The following ELP3 variants were observed in gnomAD, a reference collection of about 807,000 sequenced individuals.
The protein encoded by ELP3 is elongator complex protein 3.
Under a neutral mutation model 74.9 loss-of-function variants are expected in ELP3, and 56 were observed. The ratio of observed to expected loss-of-function variants is 0.75; its 90% CI spans 0.60 to 0.93. The LOEUF (loss-of-function observed/expected upper bound fraction) is 0.93, where lower values mean the gene tolerates loss of function less well. Among genes scored for constraint, ELP3 ranks in the 40% least tolerant of loss-of-function variants. The probability of loss-of-function intolerance (pLI) is 0.00; values close to 1 mark genes in which losing one functional copy is unlikely to be tolerated. For synonymous variants in ELP3, 222 were observed against 239.8 expected, an observed-to-expected ratio of 0.93 and a Z score of 0.68; for missense variants, 573 against 686.5, an observed-to-expected ratio of 0.83 and a Z score of 1.85.
rs1815393512 is a variant in ELP3 at position 28,189,921 on chromosome 8, C to T, written c.*196C>T. 1.9e-6 allele frequency: 1 copy of T among 517,996 alleles called. No individual in the cohort carries two copies. Among genetic ancestry groups the T allele is most frequent in the Middle Eastern group, 5.1e-4 (1 of 1,960 alleles). The allele number at this position is 517,996 out of a possible 1,614,324, so 32.1% of individuals were successfully genotyped here. On this transcript the variant is annotated 3_prime_UTR_variant, in exon 15 of 15. Coordinates refer to ENST00000256398, the MANE Select transcript of ELP3 (RefSeq NM_018091.6). Reference sequence around the variant, plus strand: ...GACCACACCCCAGATCCGCCCTCTCCTGCGTGCACCCCAAAAAATCACTTG... The same window carrying T: ...GACCACACCCCAGATCCGCCCTCTCTTGCGTGCACCCCAAAAAATCACTTG...
intron 10 of ELP3, among the ~76,000 whole-genome samples, chr8:28,144,592 C>T (rs1027473166): frequency 2.6e-5 from 4 of 152,190 alleles, no homozygotes; most frequent in African/African-American, 9.7e-5. Context: ...TGCACTCCAG[C>T]CTAGGCAACA....
At chr8:28,093,046 C>T (rs1811102114), upstream of ELP3, 3 of 1,126,100 alleles carry the variant, frequency 2.7e-6, no homozygotes, top group African/African-American at 3.1e-5. Flanking sequence ...TTAGTTGCAA[C>T]ACGGGGCGGG....
At chr8:28,125,759 C>CTTTTTTTTTTTT (rs755484214) in intron 7 of ELP3, among the ~76,000 whole-genome samples, 233 of 92,136 alleles carry the variant, frequency 2.5e-3, no homozygotes, top group African/African-American at 3.3e-3. Flanking sequence ...AGTCATTTCT[C>CTTTTTTTTTTTT]TTTTTTTTTT....
chr8:28,117,489 T>C (rs1382244532), intron 7 of ELP3, among the ~76,000 whole-genome samples: 1 of 152,172 alleles, frequency 6.6e-6, no homozygotes, highest in East Asian at 1.9e-4. Flanking sequence ...GCAGTGCCAG[T>C]GTTGTTTTGT....
rs190429890 is a variant in ELP3, at chr8:28,147,193, A to G, written c.1101-8749A>G. Among the ~76,000 whole-genome samples, 19 of 152,324 alleles carry G rather than the reference A, an allele frequency of 1.2e-4. No homozygotes were observed. Among genetic ancestry groups the G allele is most frequent in the African/African-American group, 4.3e-4 (18 of 41,572 alleles). ...AACCTTCCCTAGAGAGTTTACGTCT[A>G]TTGAAATTTTAATGTCTTTTGAAAG... On this transcript the variant is annotated intron_variant, in intron 10 of 14. Transcript: ENST00000256398. The surrounding 1 kb of genome is among the most constrained non-coding windows in gnomAD (Gnocchi z 4.5).
At chr8:28,110,495 C>A in intron 6 of ELP3, 57 bp downstream of exon 6, 3 of 1,356,778 alleles carry the variant, frequency 2.2e-6, no homozygotes, top group Non-Finnish European at 3.1e-6. Context: ...TAGTAAGAAG[C>A]CATTGTTGCT....
chr8:28,165,480 A>G (rs1814271687), intron 14 of ELP3, among the ~76,000 whole-genome samples: 1 of 152,144 alleles, frequency 6.6e-6, no homozygotes, highest in African/African-American at 2.4e-5. Flanking sequence ...CCTTGTCCTC[A>G]GTTTGTAAAT....
At chr8:28,132,531 T>C in intron 9 of ELP3, 127 bp downstream of exon 9, 1 of 1,227,328 alleles carries the variant, frequency 8.1e-7, no homozygotes, top group East Asian at 2.5e-5. Context: ...TATAGAATAT[T>C]AGAAACACAG....
At chr8:28,138,547 CA>C (rs1813089197) in intron 10 of ELP3, among the ~76,000 whole-genome samples, 1 of 152,152 alleles carries the variant, frequency 6.6e-6, no homozygotes, top group South Asian at 2.1e-4. Context: ...CCAATTCCCA[CA>C]CACACATTCC....
intron 14 of ELP3, among the ~76,000 whole-genome samples, chr8:28,164,361 A>G (rs1188343328): frequency 6.6e-6 from 1 of 152,196 alleles, no homozygotes; most frequent in Non-Finnish European, 1.5e-5. Flanking sequence ...GATCATCTGC[A>G]TGTAGAGTTT....
rs1177384437 is a variant in ELP3, at chr8:28,137,704, T to C, written c.913T>C (p.Phe305Leu). ...TTCTGTTCTCTATTCACAGGAGTTT[T>C]TTGAGAACCCTGCTTTTCGTCCCGA... is the stretch of plus-strand genomic sequence containing the variant. ...ERDIEQFTEF[F>L]ENPAFRPDGL... Residue 305 changes from phenylalanine to leucine, a missense_variant, in exon 10 of 15, where the codon TTT (phenylalanine) becomes CTT (leucine). Phe to Leu is a conservative substitution (Grantham distance 22, BLOSUM62 0). Coordinates refer to ENST00000256398, the MANE Select transcript of ELP3 (RefSeq NM_018091.6). The C allele has an allele frequency of 6.2e-7, 1 of 1,612,922 alleles. No homozygotes were observed.
At chr8:28,169,220 A>G (rs1055067183) in intron 14 of ELP3, among the ~76,000 whole-genome samples, 6 of 152,182 alleles carry the variant, frequency 3.9e-5, no homozygotes, top group African/African-American at 1.2e-4. Flanking sequence ...CCAGATCTCT[A>G]CCTGCGTGAT....
intron 14 of ELP3, among the ~76,000 whole-genome samples, chr8:28,167,418 G>T (rs351763): frequency 6.6e-6 from 1 of 152,142 alleles, no homozygotes; most frequent in Non-Finnish European, 1.5e-5. Flanking sequence ...TTACTTATTC[G>T]ACCTTCACCT....
At chr8:28,174,397 A>G (rs1471050431) in intron 14 of ELP3, among the ~76,000 whole-genome samples, 1 of 152,030 alleles carries the variant, frequency 6.6e-6, no homozygotes, top group Non-Finnish European at 1.5e-5. Context: ...TTTGTCTGAT[A>G]ATATAATCAC....
chr8:28,138,504 A>G (rs1813086909), intron 10 of ELP3, among the ~76,000 whole-genome samples: 1 of 152,222 alleles, frequency 6.6e-6, no homozygotes, highest in South Asian at 2.1e-4. Context: ...TAGAAGCCAT[A>G]AAGTTACCCG....
At chr8:28,181,325 G>A (rs147177632) in intron 14 of ELP3, among the ~76,000 whole-genome samples, 24 of 152,238 alleles carry the variant, frequency 1.6e-4, no homozygotes, top group African/African-American at 5.5e-4. Flanking sequence ...TCCAAACTCT[G>A]TATTGTAGTG....
At position 28,177,358 on chromosome 8, in the gene ELP3, A is replaced by G. The variant is rs1040343954; in HGVS notation, c.1568-12291A>G. 2.0e-5 allele frequency among the ~76,000 whole-genome samples: 3 copies of G among 152,352 alleles called. No homozygotes were observed. In the East Asian group the frequency reaches 5.8e-4, roughly 29 times the overall value. ...TCAGTGTACATTGTTGAAGAGTAAA[A>G]TATCGCCATCCTGGCAGGAGATCAA... On this transcript the variant is annotated intron_variant, in intron 14 of 14. Coordinates refer to ENST00000256398, the MANE Select transcript of ELP3 (RefSeq NM_018091.6).
intron 14 of ELP3, among the ~76,000 whole-genome samples, chr8:28,182,509 C>T (rs564619792): frequency 1.3e-5 from 2 of 152,196 alleles, no homozygotes; most frequent in African/African-American, 4.8e-5. Flanking sequence ...TGCAGTGAGC[C>T]GAGATCACGC....
intron 9 of ELP3, 28 bp from the exon 10 acceptor site, chr8:28,137,670 G>T (rs1813041096): frequency 6.2e-7 from 1 of 1,604,200 alleles, no homozygotes. Flanking sequence ...AACTAATGGA[G>T]AAGTCATTTT....
Sources: gnomAD v4.1 joint callset for allele counts (sites outside exome capture counted in the v4.1 genomes callset) on GRCh38, gnomAD v4.1.1 for gene constraint, Gnocchi (gnomAD v3.1) non-coding constraint, MANE v1.5 for transcripts, NCBI Gene and HGNC (gene_info 2026-07-23, HGNC 2026-07-21) for gene names.